The following CTDP1 variants were observed in gnomAD, a reference collection of about 807,000 sequenced individuals.
The protein encoded by CTDP1 is CTD phosphatase 1.
In CTDP1, 47 loss-of-function variants were observed where a neutral mutation model predicts 91.8. The ratio of observed to expected loss-of-function variants is 0.51; its 90% CI spans 0.41 to 0.65. The LOEUF is 0.65. Among genes scored for constraint, CTDP1 ranks in the 30% least tolerant of loss-of-function variants. The probability of loss-of-function intolerance (pLI) is 0.00; values close to 1 mark genes in which losing one functional copy is unlikely to be tolerated. For missense variants in CTDP1, 1,272 were observed against 1,373.7 expected, an observed-to-expected ratio of 0.93 and a Z score of 1.17; for synonymous variants, 656 against 598.5, an observed-to-expected ratio of 1.10 and a Z score of -1.40.
chr18:79,696,632 G>A (rs1381052351), intron 3 of CTDP1, among the ~76,000 whole-genome samples: 1 of 152,192 alleles, frequency 6.6e-6, no homozygotes, highest in Non-Finnish European at 1.5e-5. Flanking sequence ...GGCGGGTTGG[G>A]GGTCCCAGGA....
chr18:79,711,125 C>T (rs938822935), intron 6 of CTDP1, among the ~76,000 whole-genome samples: 3 of 152,074 alleles, frequency 2.0e-5, no homozygotes, highest in Admixed American at 6.5e-5. Context: ...CAGCACAATT[C>T]GATGTCAGCC....
upstream of CTDP1, chr18:79,679,478 G>A: frequency 2.2e-6 from 1 of 456,688 alleles, no homozygotes; most frequent in Non-Finnish European, 4.4e-6. Context: ...GCGCGTGATG[G>A]GGTAATGGCA....
chr18:79,723,835 T>A (rs897045441), intron 10 of CTDP1, among the ~76,000 whole-genome samples: 2 of 151,992 alleles, frequency 1.3e-5, no homozygotes, highest in Non-Finnish European at 2.9e-5. Context: ...CACCGCGCCC[T>A]CTCCGGAGTG....
At chr18:79,719,609 C>T (rs1406519724) in intron 10 of CTDP1, among the ~76,000 whole-genome samples, 1 of 151,336 alleles carries the variant, frequency 6.6e-6, no homozygotes, top group Non-Finnish European at 1.5e-5. Context: ...AGGAAGGCGT[C>T]CTGGTGATGA....
At chr18:79,681,592 A>G (rs1276770439) in intron 1 of CTDP1, 1 of 603,460 alleles carries the variant, frequency 1.7e-6, no homozygotes, top group Non-Finnish European at 2.1e-6. Context: ...AAACCAACCC[A>G]GTGCATCAGT....
chr18:79,704,966 C>T (rs1460306142), intron 5 of CTDP1, 49 bp downstream of exon 5: 1 of 1,608,756 alleles, frequency 6.2e-7, no homozygotes, highest in Non-Finnish European at 8.5e-7. Context: ...GGGTTTCTTT[C>T]CTGTTTTCGG....
Position 79,714,634 on chromosome 18 carries a change from C to G in CTDP1, c.1174C>G (p.Pro392Ala). 6.2e-7 allele frequency: 1 copy of G among 1,612,452 alleles called. No homozygotes were observed. The highest frequency in any genetic ancestry group is 8.5e-7 in the Non-Finnish European group (1 of 1,179,780). The change falls in exon 8 of 13, where the codon CCG (proline) becomes GCG (alanine). Residue 392 changes from proline to alanine, a missense_variant. By Grantham distance (27) the Pro-to-Ala change is conservative. This residue lies in a region of CTDP1 where 881 missense variants were observed against 911.6 expected (regional missense o/e 0.97). Coordinates refer to ENST00000613122, the MANE Select transcript of CTDP1 (RefSeq NM_004715.5). ...GCTGAACGGCAGCGAGGCCGCCACC[C>G]CGCGGGACTCACCCCGCCCCGGGAA... is the stretch of plus-strand genomic sequence containing the variant. ...RELNGSEAAT[P>A]RDSPRPGKPD...
chr18:79,731,691 G>A lies in CTDP1; in HGVS notation c.2580+2622G>A, dbSNP rs111597697. Among the ~76,000 whole-genome samples the A allele has an allele frequency of 3.1e-3, 473 of 152,272 alleles. 3 individuals are homozygous for A. The highest frequency in any genetic ancestry group is 0.011 in the African/African-American group (451 of 41,548). Reference sequence around the variant, plus strand: ...GCGTCAGTAAGCGTTCACCTGCAACGGCTTTGAAGAAACCTGAAAGCCATG... The same window carrying A: ...GCGTCAGTAAGCGTTCACCTGCAACAGCTTTGAAGAAACCTGAAAGCCATG... On this transcript the variant is annotated intron_variant, in intron 11 of 12. Coordinates refer to ENST00000613122, the MANE Select transcript of CTDP1 (RefSeq NM_004715.5).
Position 79,754,115 on chromosome 18 carries a change from A to G in CTDP1, c.*325A>G. 1 of 405,434 alleles carries G rather than the reference A, an allele frequency of 2.5e-6. No homozygotes were observed. Among genetic ancestry groups the G allele is most frequent in the Non-Finnish European group, 4.7e-6 (1 of 213,940 alleles). 25.1% of individuals were successfully genotyped at this position (405,434 alleles called of 1,614,324 possible). A position where few individuals can be genotyped will look rare whatever the true frequency, so the allele number is the denominator to read the frequency against. On this transcript the variant is annotated 3_prime_UTR_variant, in exon 13 of 13. Transcript: ENST00000613122. ...TTGGTGTGTTTTCCCCTTGTGTACC[A>G]GAGCACATTCCTTAGGGGACGGCTT...
intron 11 of CTDP1, among the ~76,000 whole-genome samples, chr18:79,735,244 G>A (rs913405234): frequency 6.6e-6 from 1 of 152,308 alleles, no homozygotes; most frequent in Non-Finnish European, 1.5e-5. Flanking sequence ...TTAGGTCGGC[G>A]TCGGTGAGTG....
chr18:79,704,314 A>G (rs1309524830), intron 4 of CTDP1, among the ~76,000 whole-genome samples: 2 of 151,912 alleles, frequency 1.3e-5, no homozygotes, highest in East Asian at 1.9e-4. Context: ...CCCCTGTCCC[A>G]TGTGGAGGGG....
chr18:79,743,583 C>A (rs2086824711), intron 12 of CTDP1, among the ~76,000 whole-genome samples: 1 of 148,594 alleles, frequency 6.7e-6, no homozygotes, highest in African/African-American at 2.5e-5. Context: ...TGTGCACCTG[C>A]TCTCACTCCT....
chr18:79,718,105 C>T lies in CTDP1; in HGVS notation c.2417+89C>T, dbSNP rs111591249. 960 of 1,484,506 alleles carry T rather than the reference C, an allele frequency of 6.5e-4. 7 individuals are homozygous for T. The African/African-American group carries it at 0.011, about 17-fold the overall frequency. The allele number at this position is 1,484,506 out of a possible 1,614,324, so 92.0% of individuals were successfully genotyped here. On this transcript the variant is annotated intron_variant, in intron 10 of 12. Transcript: ENST00000613122. ...TGTTGGGGGGATGGCGTCAGTTGCC[C>T]GAAGTGAGGGCGGGTGGAGGCTGCA...
intron 12 of CTDP1, among the ~76,000 whole-genome samples, chr18:79,746,175 C>G (rs865841603): frequency 4.4e-4 from 5 of 11,422 alleles, no homozygotes; most frequent in African/African-American, 1.9e-3. Flanking sequence ...CTCCCGTGCG[C>G]GTTCTGTCCC....
chr18:79,736,384 C>G lies in CTDP1; in HGVS notation c.2610C>G (p.Asp870Glu). ...EVDDILGEGSDDSDSEKRRPE... is the reference protein window; with the variant it reads ...EVDDILGEGSEDSDSEKRRPE... ...ACGACATCCTTGGAGAAGGCAGCGA[C>G]GACAGCGACAGCGAGAAGAGGAGGC... is the stretch of plus-strand genomic sequence containing the variant. The change falls in exon 12 of 13, where the codon GAC becomes GAG. Residue 870 changes from aspartate to glutamate, a missense_variant. Around this residue, in one of 3 missense-constraint regions of CTDP1, gnomAD observed 881 missense variants for 911.6 expected, o/e 0.97. Coordinates refer to ENST00000613122, the MANE Select transcript of CTDP1 (RefSeq NM_004715.5). 6.5e-7 allele frequency: 1 copy of G among 1,548,762 alleles called. No homozygotes were observed. Among genetic ancestry groups the G allele is most frequent in the Non-Finnish European group, 8.7e-7 (1 of 1,146,458 alleles).
At chr18:79,712,674 A>T (rs1200754929) in intron 6 of CTDP1, among the ~76,000 whole-genome samples, 1 of 152,210 alleles carries the variant, frequency 6.6e-6, no homozygotes, top group African/African-American at 2.4e-5. Context: ...TCACGCCCAC[A>T]CGGTCAGAGT....
At chr18:79,722,551 C>T (rs773160370) in intron 10 of CTDP1, among the ~76,000 whole-genome samples, 1 of 151,964 alleles carries the variant, frequency 6.6e-6, no homozygotes, top group African/African-American at 2.4e-5. Context: ...AGTTTGGTGG[C>T]GGGAAGCAGC....
chr18:79,735,282 C>G (rs1175897095), intron 11 of CTDP1, among the ~76,000 whole-genome samples: 2 of 152,194 alleles, frequency 1.3e-5, no homozygotes, highest in African/African-American at 4.8e-5. Flanking sequence ...CAGGTGTGCA[C>G]CCCCAGATCC....
intron 4 of CTDP1, among the ~76,000 whole-genome samples, chr18:79,700,132 C>G (rs2085828898): frequency 6.6e-6 from 1 of 152,192 alleles, no homozygotes; most frequent in African/African-American, 2.4e-5. Flanking sequence ...TCAGGCCTCC[C>G]TATTCCCTGA....
Sources: allele counts gnomAD v4.1 joint callset (sites outside exome capture counted in the v4.1 genomes callset), GRCh38; gene constraint gnomAD v4.1.1; regional missense constraint gnomAD v4.1.1; transcripts MANE v1.5; gene names NCBI Gene and HGNC (gene_info 2026-07-23, HGNC 2026-07-21).